Variants in KALRN observed in about 807,000 individuals in gnomAD.
The protein encoded by KALRN is kalirin.
In KALRN, 70 loss-of-function variants were observed where a neutral mutation model predicts 353.7. The ratio of observed to expected loss-of-function variants is 0.20; its 90% CI spans 0.16 to 0.24. The LOEUF (loss-of-function observed/expected upper bound fraction) is 0.24, where lower values mean the gene tolerates loss of function less well. Ranked by LOEUF, KALRN falls within the 10% of genes least tolerant of loss-of-function variation. KALRN has a pLI of 1.00. For missense variants in KALRN, 2,791 were observed against 3,756.7 expected (o/e 0.74, Z 6.72); for synonymous variants, 1,391 against 1,434.8 (o/e 0.97, Z 0.69).
chr3:124,161,643 T>G (rs1161477254), intron 1 of KALRN, among the ~76,000 whole-genome samples: 2 of 152,264 alleles, frequency 1.3e-5, no homozygotes, highest in Non-Finnish European at 2.9e-5. Flanking sequence ...TTATGGACTC[T>G]GTCCTGTGGG....
chr3:124,630,354 C>T (rs572205320), intron 34 of KALRN, among the ~76,000 whole-genome samples: 8 of 151,834 alleles, frequency 5.3e-5, no homozygotes, highest in South Asian at 4.2e-4. Context: ...GAGAACTGGG[C>T]GGGTGTAGAC....
chr3:124,633,636 GGTGT>G (rs60981319), intron 35 of KALRN, among the ~76,000 whole-genome samples: 50,355 of 103,638 alleles, frequency 0.49, 10,123 homozygotes, highest in East Asian at 0.68. Context: ...TCTTTTTGGG[GGTGT>G]GTGTGTGTGT....
intron 3 of KALRN, among the ~76,000 whole-genome samples, chr3:124,257,958 A>G (rs369934120): frequency 6.6e-6 from 1 of 152,280 alleles, no homozygotes; most frequent in South Asian, 2.1e-4. Flanking sequence ...GGGCTAATAA[A>G]TATCTTTTAA....
rs144739870 is a variant in KALRN at position 124,134,395 on chromosome 3, G to A, written c.74-93595G>A. ...AAAAATCAACTCAAGGTGGATTAAA[G>A]ACTTAAGACCTGAAACTATAAAAAT... is the stretch of plus-strand genomic sequence containing the variant. On this transcript the variant is annotated intron_variant, in intron 1 of 59. Transcript: ENST00000682506. 9.5e-3 allele frequency among the ~76,000 whole-genome samples: 1,442 copies of A among 152,240 alleles called. 14 individuals are homozygous for A. Among genetic ancestry groups the A allele is most frequent in the South Asian group, 0.044 (211 of 4,816 alleles).
At chr3:124,161,647 C>T (rs2069977067) in intron 1 of KALRN, among the ~76,000 whole-genome samples, 1 of 152,198 alleles carries the variant, frequency 6.6e-6, no homozygotes. Flanking sequence ...GGACTCTGTC[C>T]TGTGGGCCAG....
At chr3:124,383,668 G>A (rs76778227) in intron 10 of KALRN, among the ~76,000 whole-genome samples, 4,063 of 152,102 alleles carry the variant, frequency 0.027, 177 homozygotes, top group African/African-American at 0.092. Context: ...AACTAATTAC[G>A]TCTACAATTA....
intron 34 of KALRN, among the ~76,000 whole-genome samples, chr3:124,603,179 G>A (rs979509233): frequency 3.3e-5 from 5 of 152,078 alleles, no homozygotes; most frequent in Admixed American, 6.5e-5. Context: ...AATAGCAGAG[G>A]CCTGGAAATG....
chr3:124,689,032 T>C (rs2061688787), intron 51 of KALRN, among the ~76,000 whole-genome samples: 1 of 152,218 alleles, frequency 6.6e-6, no homozygotes, highest in Non-Finnish European at 1.5e-5. Flanking sequence ...TGCCCTCTGC[T>C]GGTCAAATAA....
intron 1 of KALRN, among the ~76,000 whole-genome samples, chr3:124,141,960 G>A (rs188709095): frequency 9.8e-5 from 15 of 152,322 alleles, no homozygotes; most frequent in African/African-American, 3.4e-4. Flanking sequence ...TTTTGAGCAA[G>A]TCACTCTCTG....
intron 5 of KALRN, among the ~76,000 whole-genome samples, chr3:124,296,845 A>G (rs762231676): frequency 8.5e-5 from 13 of 152,128 alleles, no homozygotes; most frequent in Non-Finnish European, 1.6e-4. Flanking sequence ...TTCCTATCTG[A>G]ATCAAGGTTT....
intron 1 of KALRN, among the ~76,000 whole-genome samples, chr3:124,205,407 C>A (rs2076328168): frequency 6.6e-6 from 1 of 152,218 alleles, no homozygotes; most frequent in Admixed American, 6.5e-5. Context: ...GCAGCTCCTA[C>A]TTGACAGTCG....
intron 34 of KALRN, among the ~76,000 whole-genome samples, chr3:124,602,225 T>C (rs2076882155): frequency 6.6e-6 from 1 of 152,120 alleles, no homozygotes; most frequent in South Asian, 2.1e-4. Context: ...TCATGTTCAG[T>C]AGGAAGGAAG....
intron 1 of KALRN, among the ~76,000 whole-genome samples, chr3:124,184,727 A>G (rs1322183049): frequency 1.3e-5 from 2 of 152,204 alleles, no homozygotes; most frequent in Non-Finnish European, 2.9e-5. Context: ...TAGACCAGAG[A>G]TACCCAGAAG....
chr3:124,121,353 T>C (rs2064010926), intron 1 of KALRN, among the ~76,000 whole-genome samples: 1 of 152,192 alleles, frequency 6.6e-6, no homozygotes, highest in Non-Finnish European at 1.5e-5. Flanking sequence ...ATTGAATGAA[T>C]AAATTTTTCT....
intron 8 of KALRN, among the ~76,000 whole-genome samples, chr3:124,331,221 A>T (rs4371456): frequency 0.31 from 46,952 of 152,066 alleles, 7,470 homozygotes; most frequent in Non-Finnish European, 0.34. Context: ...TCTATCAACC[A>T]ATGAATGGAT....
chr3:124,503,451 C>CTTT lies in KALRN; in HGVS notation c.4935+7048_4935+7050dup, dbSNP rs5852407. Among the ~76,000 whole-genome samples, 322 of 148,910 alleles carry CTTT rather than the reference C, an allele frequency of 2.2e-3. 1 individual carries two copies. Among genetic ancestry groups the CTTT allele is most frequent in the Middle Eastern group, 7.0e-3 (2 of 284 alleles). On this transcript the variant is annotated intron_variant, in intron 33 of 59. Coordinates refer to ENST00000682506, the MANE Select transcript of KALRN (RefSeq NM_001388419.1). ...CCACTCTAAGCCCAAATTGTAATTT[C>CTTT]TTTTTTTTTTTTAGCTTTCTTAATA... is the stretch of plus-strand genomic sequence containing the variant.
At chr3:124,362,662 T>C in intron 10 of KALRN, among the ~76,000 whole-genome samples, 1 of 152,266 alleles carries the variant, frequency 6.6e-6, no homozygotes, top group East Asian at 1.9e-4. Context: ...ACAATATATC[T>C]GAGCCTCGGC....
chr3:124,063,794 A>G lies in KALRN; in HGVS notation c.73+29981A>G, dbSNP rs563871640. On this transcript the variant is annotated intron_variant, in intron 1 of 59. Transcript: ENST00000682506. Reference sequence around the variant, plus strand: ...TCACGGGCACCATCAGGTCAATTCAACAAGCATGTCTCGAGGGTGTTCCAT... The same window carrying G: ...TCACGGGCACCATCAGGTCAATTCAGCAAGCATGTCTCGAGGGTGTTCCAT... Among the ~76,000 whole-genome samples, 10 of 152,204 alleles carry G rather than the reference A, an allele frequency of 6.6e-5. No individual in the cohort carries two copies. In the East Asian group the frequency reaches 1.5e-3, roughly 24 times the overall value.
At chr3:124,251,906 T>C (rs182012969) in intron 3 of KALRN, among the ~76,000 whole-genome samples, 24 of 152,310 alleles carry the variant, frequency 1.6e-4, no homozygotes, top group Admixed American at 5.2e-4. Flanking sequence ...TTCCAGGTGT[T>C]TGCAATGAGA....
Sources: gnomAD v4.1 joint callset for allele counts (sites outside exome capture counted in the v4.1 genomes callset) on GRCh38, gnomAD v4.1.1 for gene constraint, MANE v1.5 for transcripts, NCBI Gene and HGNC (gene_info 2026-07-23, HGNC 2026-07-21) for gene names.